The following PYGB variants were observed in gnomAD, a reference collection of about 807,000 sequenced individuals.
PYGB encodes the protein glycogen phosphorylase B.
In PYGB, 82 loss-of-function variants were observed where a neutral mutation model predicts 94.3. The ratio of observed to expected loss-of-function variants is 0.87; its 90% CI spans 0.73 to 1.04. The LOEUF (loss-of-function observed/expected upper bound fraction) is 1.04. Among genes scored for constraint, PYGB ranks in the 50% least tolerant of loss-of-function variants. PYGB has a pLI of 0.00. For missense variants in PYGB, 1,132 were observed against 1,158.2 expected, an observed-to-expected ratio of 0.98 and a Z score of 0.33; for synonymous variants, 488 against 479.1, an observed-to-expected ratio of 1.02 and a Z score of -0.24.
chr20:25,271,585 CCA>C, intron 4 of PYGB, 99 bp downstream of exon 4: 2 of 1,312,384 alleles, frequency 1.5e-6, no homozygotes, highest in Non-Finnish European at 2.2e-6. Flanking sequence ...CACGCCCCCG[CCA>C]GGGGACTGCA....
rs565422013 is a variant in PYGB, at chr20:25,278,265, T to C, written c.856-54T>C. On this transcript the variant is annotated intron_variant, in intron 7 of 19. Coordinates refer to ENST00000216962, the MANE Select transcript of PYGB (RefSeq NM_002862.4). ...AGCCAGGTCGCTGACCTGGGCTTCC[T>C]GGGGGAGGAGAATGGCCCAGCCTGC... is the stretch of plus-strand genomic sequence containing the variant. 47 of 1,587,500 alleles carry C rather than the reference T, an allele frequency of 3.0e-5. No homozygotes were observed. The African/African-American group carries it at 5.9e-4, about 20-fold the overall frequency.
intron 14 of PYGB, chr20:25,288,152 C>T (rs899229787): frequency 6.7e-5 from 39 of 585,138 alleles, no homozygotes; most frequent in East Asian, 4.1e-4. Context: ...CTGCTGGGTT[C>T]GTCCATGGTC....
intron 7 of PYGB, among the ~76,000 whole-genome samples, chr20:25,277,994 C>T (rs1226950678): frequency 6.6e-6 from 1 of 152,260 alleles, no homozygotes; most frequent in African/African-American, 2.4e-5. Flanking sequence ...AAAGAGTGCA[C>T]TCCCCTGTCC....
chr20:25,280,802 G>A, intron 10 of PYGB, 147 bp from the exon 11 acceptor site: 1 of 1,037,146 alleles, frequency 9.6e-7, no homozygotes, highest in Non-Finnish European at 1.4e-6. Context: ...GCACTTGAGG[G>A]AGGTCTGGCT....
chr20:25,255,742 T>C (rs2092900992), intron 1 of PYGB, among the ~76,000 whole-genome samples: 1 of 152,046 alleles, frequency 6.6e-6, no homozygotes, highest in Non-Finnish European at 1.5e-5. Context: ...AACTCTTTTT[T>C]TTTTTTTTGA....
At chr20:25,289,709 C>A in intron 15 of PYGB, 4 of 388,688 alleles carry the variant, frequency 1.0e-5, no homozygotes, top group Non-Finnish European at 1.1e-5. Flanking sequence ...AGAATTGTAG[C>A]AAAACCATAA....
intron 13 of PYGB, 86 bp downstream of exon 13, chr20:25,283,363 A>G: frequency 1.7e-6 from 2 of 1,203,052 alleles, no homozygotes; most frequent in Non-Finnish European, 2.4e-6. Flanking sequence ...CTACAGGCCC[A>G]GCACAGGTCC....
chr20:25,249,999 A>G (rs553471933), intron 1 of PYGB, among the ~76,000 whole-genome samples: 2 of 152,166 alleles, frequency 1.3e-5, no homozygotes, highest in South Asian at 2.1e-4. Context: ...ACAGGCGCCT[A>G]CCACCACGCC....
chr20:25,254,379 T>C (rs2123510643), intron 1 of PYGB, among the ~76,000 whole-genome samples: 1 of 152,306 alleles, frequency 6.6e-6, no homozygotes, highest in East Asian at 1.9e-4. Flanking sequence ...GGATCAAAGC[T>C]TTAAGCCATT....
At chr20:25,295,579 C>G in intron 18 of PYGB, 25 bp from the exon 19 acceptor site, 1 of 1,609,810 alleles carries the variant, frequency 6.2e-7, no homozygotes, top group Non-Finnish European at 8.5e-7. Context: ...GCTGCCCTGG[C>G]CCAGCCTCCT....
intron 18 of PYGB, 24 bp from the exon 19 acceptor site, chr20:25,295,580 C>G (rs1478395878): frequency 6.2e-7 from 1 of 1,610,524 alleles, no homozygotes; most frequent in East Asian, 2.2e-5. Context: ...CTGCCCTGGC[C>G]CAGCCTCCTT....
intron 1 of PYGB, among the ~76,000 whole-genome samples, chr20:25,258,913 G>A (rs551155335): frequency 1.5e-3 from 233 of 152,358 alleles, no homozygotes; most frequent in Non-Finnish European, 2.0e-3. Context: ...GTGCAGACCT[G>A]GGTCTGTCCA....
chr20:25,256,779 A>T (rs1377099330), intron 1 of PYGB, among the ~76,000 whole-genome samples: 1 of 152,218 alleles, frequency 6.6e-6, no homozygotes, highest in East Asian at 1.9e-4. Flanking sequence ...GAGTGAGTGG[A>T]AAGAGGCTGT....
At position 25,283,286 on chromosome 20, in the gene PYGB, GGCCCTGGCCCCA is replaced by G; in HGVS notation, c.1620+14_1620+25del. 6.2e-7 allele frequency: 1 copy of G among 1,609,348 alleles called. No individual in the cohort carries two copies. The highest frequency in any genetic ancestry group is 8.5e-7 in the Non-Finnish European group (1 of 1,176,570). ...TGGCCAAGGTCAAACAGGTAGGCAT[GGCCCTGGCCCCA>G]GCCCCGACCCCAGCCCTCCCACAAC... On this transcript the variant is annotated intron_variant, in intron 13 of 19. Transcript: ENST00000216962.
chr20:25,263,349 C>T (rs2092917791), intron 2 of PYGB, among the ~76,000 whole-genome samples: 1 of 152,100 alleles, frequency 6.6e-6, no homozygotes, highest in Non-Finnish European at 1.5e-5. Context: ...AACTGAACAA[C>T]CTGCTCCTGA....
intron 16 of PYGB, among the ~76,000 whole-genome samples, chr20:25,292,165 C>T (rs977605234): frequency 5.3e-5 from 8 of 152,182 alleles, no homozygotes; most frequent in Non-Finnish European, 1.5e-5. Context: ...CTGAGGAGCC[C>T]CCATCTTGGA....
At chr20:25,290,378 G>A in intron 15 of PYGB, 103 bp from the exon 16 acceptor site, 1 of 1,444,998 alleles carries the variant, frequency 6.9e-7, no homozygotes, top group Non-Finnish European at 9.5e-7. Flanking sequence ...GCAGGTTCCT[G>A]TGGCTCTAGC....
chr20:25,253,496 A>C (rs1222616742), intron 1 of PYGB, among the ~76,000 whole-genome samples: 1 of 152,168 alleles, frequency 6.6e-6, no homozygotes, highest in Non-Finnish European at 1.5e-5. Context: ...TATTAAAAAT[A>C]CAAAAATTAG....
intron 13 of PYGB, among the ~76,000 whole-genome samples, chr20:25,283,501 G>T (rs935567744): frequency 1.3e-5 from 2 of 152,220 alleles, no homozygotes; most frequent in African/African-American, 4.8e-5. Flanking sequence ...CAGGTCACAT[G>T]GCAGATAGGT....
Sources: gnomAD v4.1 joint callset for allele counts (sites outside exome capture counted in the v4.1 genomes callset) on GRCh38, gnomAD v4.1.1 for gene constraint, MANE v1.5 for transcripts, NCBI Gene and HGNC (gene_info 2026-07-23, HGNC 2026-07-21) for gene names.